The following GALNS variants were observed in gnomAD, a reference collection of about 807,000 sequenced individuals.
The protein encoded by GALNS is N-acetylgalactosamine-6-sulfatase.
In GALNS, 65 loss-of-function variants were observed where a neutral mutation model predicts 65.9. The observed-to-expected ratio is 0.99, with a 90% confidence interval of 0.81 to 1.21. The LOEUF is 1.21. GALNS is among the 50% of genes most tolerant of loss of function. The pLI is 0.00. For synonymous variants in GALNS, 346 were observed against 288.9 expected, an observed-to-expected ratio of 1.20 and a Z score of -2.00; for missense variants, 776 against 700.7, an observed-to-expected ratio of 1.11 and a Z score of -1.21.
chr16:88,825,002 A>G (rs940644028), intron 10 of GALNS, 133 bp from the exon 11 acceptor site: 1 of 746,702 alleles, frequency 1.3e-6, no homozygotes, highest in Non-Finnish European at 2.3e-6. Flanking sequence ...TACAAAGATG[A>G]TTGAAAAGTA....
chr16:88,831,932 G>GCA (rs748701959), intron 9 of GALNS, 66 bp downstream of exon 9: 4 of 1,378,020 alleles, frequency 2.9e-6, no homozygotes, highest in Non-Finnish European at 4.1e-6. Context: ...AGTGAGGGGC[G>GCA]CACACACCCT....
chr16:88,824,646 G>T, intron 11 of GALNS, 121 bp downstream of exon 11: 1 of 788,916 alleles, frequency 1.3e-6, no homozygotes, highest in Non-Finnish European at 2.2e-6. Flanking sequence ...AGAAGGCTGT[G>T]GAGGGGGTGG....
intron 1 of GALNS, chr16:88,855,611 CTG>C: frequency 1.6e-6 from 1 of 636,152 alleles, no homozygotes; most frequent in Non-Finnish European, 2.8e-6. Context: ...TGGGTGGTGT[CTG>C]TTATCTTTTC....
intron 4 of GALNS, 137 bp downstream of exon 4, chr16:88,840,855 G>C (rs113652922): frequency 1.3e-5 from 10 of 745,436 alleles, no homozygotes; most frequent in African/African-American, 3.5e-5. Flanking sequence ...GGAGACACCT[G>C]AACACACCCA....
chr16:88,826,943 C>T (rs1910994519), intron 9 of GALNS, 105 bp from the exon 10 acceptor site: 1 of 1,358,892 alleles, frequency 7.4e-7, no homozygotes. Flanking sequence ...GCTGGGTCTA[C>T]AGATATGCAT....
chr16:88,822,857 G>A (rs1910390272), intron 11 of GALNS, 147 bp from the exon 12 acceptor site: 1 of 1,278,992 alleles, frequency 7.8e-7, no homozygotes, highest in Non-Finnish European at 1.1e-6. Flanking sequence ...GGGGCCGTGG[G>A]GGGGTCTCGT....
chr16:88,843,453 G>C (rs1430790224), intron 1 of GALNS: 1 of 349,430 alleles, frequency 2.9e-6, no homozygotes, highest in Admixed American at 3.8e-5. Context: ...AGACGACAAA[G>C]TGCGGCCGGC....
chr16:88,833,418 C>T (rs1911723176), intron 8 of GALNS, among the ~76,000 whole-genome samples: 1 of 135,032 alleles, frequency 7.4e-6, no homozygotes, highest in South Asian at 2.3e-4. Context: ...TCTTCTCCTT[C>T]CCTCCCTCCC....
At chr16:88,855,259 G>T in intron 1 of GALNS, 1 of 699,958 alleles carries the variant, frequency 1.4e-6, no homozygotes, top group Non-Finnish European at 2.6e-6. Context: ...AGGAAAAGCA[G>T]AAACTTAACA....
chr16:88,834,391 G>A (rs1911856496), intron 8 of GALNS, among the ~76,000 whole-genome samples: 1 of 74,036 alleles, frequency 1.4e-5, no homozygotes, highest in South Asian at 5.1e-4. Flanking sequence ...AGGCTGCAGG[G>A]CCCCCCCGCG....
intron 5 of GALNS, 103 bp downstream of exon 5, chr16:88,837,519 C>G (rs1912262374): frequency 1.6e-6 from 2 of 1,239,050 alleles, no homozygotes; most frequent in Middle Eastern, 2.7e-4. Flanking sequence ...CAGACCAGCC[C>G]TCATGAGTGG....
intron 12 of GALNS, among the ~76,000 whole-genome samples, chr16:88,820,980 CAG>C (rs1042971946): frequency 3.9e-5 from 6 of 152,282 alleles, no homozygotes; most frequent in African/African-American, 1.4e-4. Context: ...TCTGCGGGCA[CAG>C]GGGGCTCCCA....
intron 10 of GALNS, among the ~76,000 whole-genome samples, chr16:88,825,090 G>GGCC (rs1362296092): frequency 1.2e-3 from 146 of 121,760 alleles, no homozygotes; most frequent in Admixed American, 2.9e-3. Flanking sequence ...GGGCTGGGGT[G>GGCC]ACTGGGTATC....
At chr16:88,841,199 A>G in intron 3 of GALNS, 105 bp from the exon 4 acceptor site, 1 of 871,058 alleles carries the variant, frequency 1.1e-6, no homozygotes, top group South Asian at 1.4e-5. Flanking sequence ...CTAACAGGAC[A>G]CTGGCCCCTC....
At chr16:88,853,027 G>C (rs1189033038) in intron 1 of GALNS, among the ~76,000 whole-genome samples, 1 of 152,082 alleles carries the variant, frequency 6.6e-6, no homozygotes, top group South Asian at 2.1e-4. Flanking sequence ...GAGGCAGGCA[G>C]ATCACCTGAG....
intron 1 of GALNS, among the ~76,000 whole-genome samples, chr16:88,852,739 G>T (rs923349298): frequency 6.6e-6 from 1 of 152,224 alleles, no homozygotes; most frequent in African/African-American, 2.4e-5. Flanking sequence ...CGTGACGCAT[G>T]CACAAGCTTC....
intron 11 of GALNS, among the ~76,000 whole-genome samples, chr16:88,823,147 G>A (rs1412101834): frequency 6.6e-6 from 1 of 152,146 alleles, no homozygotes; most frequent in East Asian, 1.9e-4. Flanking sequence ...CTCTGCTGGG[G>A]AAGGGAGGGG....
At chr16:88,851,652 G>A (rs886542026) in intron 1 of GALNS, among the ~76,000 whole-genome samples, 6 of 152,180 alleles carry the variant, frequency 3.9e-5, no homozygotes, top group Non-Finnish European at 5.9e-5. Context: ...GGACACTCCC[G>A]CCCAAATAGT....
Position 88,834,356 on chromosome 16 carries a change from G to GC in GALNS, c.898+856dup, listed in dbSNP as rs368259655. Among the ~76,000 whole-genome samples, 547 of 106,440 alleles carry GC rather than the reference G, an allele frequency of 5.1e-3. 23 individuals carry two copies. Among genetic ancestry groups the GC allele is most frequent in the African/African-American group, 0.018 (475 of 26,568 alleles). 69.8% of individuals were successfully genotyped at this position (106,440 alleles called of 152,430 possible). A position where few individuals can be genotyped will look rare whatever the true frequency, so the allele number is the denominator to read the frequency against. On this transcript the variant is annotated intron_variant, in intron 8 of 13. Coordinates refer to ENST00000268695, the MANE Select transcript of GALNS (RefSeq NM_000512.5). ...ACGTGGTCTGGGAAGAGGCTGCAGG[G>GC]CCCCCCCCCGCGTGGTCTGGGAAGA...
Sources: allele counts gnomAD v4.1 joint callset (sites outside exome capture counted in the v4.1 genomes callset), GRCh38; gene constraint gnomAD v4.1.1; transcripts MANE v1.5; gene names NCBI Gene and HGNC (gene_info 2026-07-23, HGNC 2026-07-21).